The following IFT122 variants were observed in gnomAD, a reference collection of about 807,000 sequenced individuals.
IFT122 encodes the protein intraflagellar transport 122, also known as intraflagellar transport protein 122 homolog.
Under a neutral mutation model 161.6 loss-of-function variants are expected in IFT122, and 118 were observed. The ratio of observed to expected loss-of-function variants is 0.73; its 90% CI spans 0.63 to 0.85. The LOEUF is 0.85. Ranked by LOEUF, IFT122 falls within the 40% of genes least tolerant of loss-of-function variation. The probability of loss-of-function intolerance (pLI) is 0.00; values close to 1 mark genes in which losing one functional copy is unlikely to be tolerated. For missense variants in IFT122, 1,381 were observed against 1,579.6 expected (o/e 0.87, Z 2.13); for synonymous variants, 550 against 602.4 (o/e 0.91, Z 1.27).
intron 12 of IFT122, among the ~76,000 whole-genome samples, chr3:129,479,371 G>A (rs1382120168): frequency 6.6e-6 from 1 of 152,082 alleles, no homozygotes; most frequent in African/African-American, 2.4e-5. Context: ...AGAAATTGGA[G>A]GCAGCAGTGA....
Position 129,451,994 on chromosome 3 carries a change from G to A in IFT122, c.189G>A (p.Lys63=), listed in dbSNP as rs778625545. 1.3e-5 allele frequency: 21 copies of A among 1,612,670 alleles called. No individual in the cohort carries two copies. The highest frequency in any genetic ancestry group is 1.8e-5 in the Non-Finnish European group (21 of 1,178,708). Residue 63 remains lysine (K), a synonymous_variant, in exon 3 of 30, where the codon AAG becomes AAA. Coordinates refer to ENST00000348417, the MANE Select transcript of IFT122 (RefSeq NM_052989.3). ...KDTVYCVAYA[K]DGKRFASGSA... ...CTGTGTACTGTGTGGCATATGCGAA[G>A]GATGGTAAAAGGCTGCTCTGGGTTT...
At chr3:129,476,287 T>C (rs756714116) in intron 9 of IFT122, 28 bp from the exon 10 acceptor site, 2 of 1,613,622 alleles carry the variant, frequency 1.2e-6, no homozygotes, top group South Asian at 2.2e-5. Context: ...AAATGGTTTT[T>C]CCCTTGCTGT....
At chr3:129,440,467 CT>C in intron 1 of IFT122, 96 bp downstream of exon 1, 2 of 1,435,700 alleles carry the variant, frequency 1.4e-6, no homozygotes, top group South Asian at 2.4e-5. Flanking sequence ...AGCGGGCTTG[CT>C]GCCTGGGCCG....
intron 1 of IFT122, among the ~76,000 whole-genome samples, chr3:129,442,928 A>G (rs899300274): frequency 1.1e-4 from 17 of 152,288 alleles, no homozygotes; most frequent in Admixed American, 7.8e-4. Context: ...CCCTTATTCT[A>G]TGAACTCCCT....
chr3:129,512,223 C>T, intron 23 of IFT122, 89 bp from the exon 24 acceptor site: 1 of 888,998 alleles, frequency 1.1e-6, no homozygotes, highest in Non-Finnish European at 1.9e-6. Context: ...TTGTTGATGT[C>T]ACTCAGAATT....
rs2082209135 is a variant in IFT122 at position 129,506,545 on chromosome 3, T to TCAAGGTGTGTAAACATCAGC, written c.2790_2791+18dup. ...TGTCCATGCAGTGCCTCGATATAGCTCAAGGTGTGTAAACATCAGCCAGAC... is the reference window on the plus strand; with the variant it reads ...TGTCCATGCAGTGCCTCGATATAGCTCAAGGTGTGTAAACATCAGCCAAGGTGTGTAAACATCAGCCAGAC... On this transcript the variant is annotated stop_gained and frameshift_variant, in exon 22 of 30. Coordinates refer to ENST00000348417, the MANE Select transcript of IFT122 (RefSeq NM_052989.3). LOFTEE classifies it high-confidence loss of function. 1 of 1,614,052 alleles carries TCAAGGTGTGTAAACATCAGC rather than the reference T, an allele frequency of 6.2e-7. No individual in the cohort carries two copies. Among genetic ancestry groups the TCAAGGTGTGTAAACATCAGC allele is most frequent in the African/African-American group, 1.3e-5 (1 of 74,904 alleles).
At chr3:129,509,375 A>G (rs888192028) in intron 23 of IFT122, among the ~76,000 whole-genome samples, 9 of 152,144 alleles carry the variant, frequency 5.9e-5, no homozygotes, top group Admixed American at 2.6e-4. Context: ...GGTTGTTGTC[A>G]ACTTCCAGTG....
At chr3:129,478,265 TC>T (rs58550262) in intron 12 of IFT122, 47 bp downstream of exon 12, 164,923 of 1,516,618 alleles carry the variant, frequency 0.11, 11,317 homozygotes, top group South Asian at 0.25. Flanking sequence ...CCATTTGTGC[TC>T]CCCCCCCAGT....
At chr3:129,518,985 C>T in intron 27 of IFT122, 122 bp from the exon 28 acceptor site, 1 of 845,388 alleles carries the variant, frequency 1.2e-6, no homozygotes, top group South Asian at 1.3e-5. Flanking sequence ...CTCTGTTCCT[C>T]CACCTGGAAA....
intron 1 of IFT122, among the ~76,000 whole-genome samples, chr3:129,447,515 T>C (rs1429569803): frequency 4.6e-5 from 7 of 152,142 alleles, no homozygotes; most frequent in Non-Finnish European, 1.0e-4. Flanking sequence ...GGTTGTAAAA[T>C]GTTTCTTCTC....
chr3:129,487,124 C>T (rs1391158576), intron 15 of IFT122, among the ~76,000 whole-genome samples: 1 of 152,210 alleles, frequency 6.6e-6, no homozygotes, highest in African/African-American at 2.4e-5. Context: ...CATTTGGGAA[C>T]CATTAGCACA....
In IFT122 at chr3:129,451,063, A is replaced by ATGGCTAT. The variant is rs112804857; in HGVS notation, c.109-850_109-844dup. Among the ~76,000 whole-genome samples, 622 of 152,128 alleles carry ATGGCTAT rather than the reference A, an allele frequency of 4.1e-3. 4 individuals are homozygous for ATGGCTAT. The highest frequency in any genetic ancestry group is 0.015 in the African/African-American group (607 of 41,500). On this transcript the variant is annotated intron_variant, in intron 2 of 29. Coordinates refer to ENST00000348417, the MANE Select transcript of IFT122 (RefSeq NM_052989.3). ...CTCTCCACATAGTGATAGATGTCAC[A>ATGGCTAT]TGGCTATCAAATACCTAAATCCATA...
chr3:129,461,472 C>T, intron 5 of IFT122, 168 bp downstream of exon 5: 3 of 679,602 alleles, frequency 4.4e-6, no homozygotes, highest in Non-Finnish European at 8.1e-6. Context: ...TGTGTGGAAA[C>T]CAAGACAGTG....
At chr3:129,516,511 GC>G (rs2083685421) in intron 26 of IFT122, among the ~76,000 whole-genome samples, 1 of 119,332 alleles carries the variant, frequency 8.4e-6, no homozygotes, top group Non-Finnish European at 1.7e-5. Context: ...CATGGAGACT[GC>G]CCCTGCGTGC....
chr3:129,512,844 G>A (rs989456575), intron 24 of IFT122: 3 of 246,106 alleles, frequency 1.2e-5, no homozygotes, highest in Non-Finnish European at 2.4e-5. Flanking sequence ...AGGTGGCAAA[G>A]CTGCCATCAA....
At position 129,465,645 on chromosome 3, in the gene IFT122, T is replaced by TGCCACCACACCTGGCTAA. The variant is rs1224562188; in HGVS notation, c.563+864_563+865insGCCACCACACCTGGCTAA. ...GCCACCACGCCTGGCTAATTTTTTT[T>TGCCACCACACCTGGCTAA]TTTTTTTTGAGACGGAGTCTCGCTC... On this transcript the variant is annotated intron_variant, in intron 7 of 29. Transcript: ENST00000348417. Among the ~76,000 whole-genome samples the TGCCACCACACCTGGCTAA allele has an allele frequency of 1.0e-3, 131 of 127,986 alleles. 1 individual carries two copies. The highest frequency in any genetic ancestry group is 2.6e-3 in the East Asian group (9 of 3,418). The allele number at this position is 127,986 out of a possible 152,430, so 84.0% of individuals were successfully genotyped here. A position where few individuals can be genotyped will look rare whatever the true frequency, so the allele number is the denominator to read the frequency against.
intron 20 of IFT122, among the ~76,000 whole-genome samples, chr3:129,503,262 C>A (rs908537271): frequency 6.6e-6 from 1 of 152,200 alleles, no homozygotes; most frequent in Non-Finnish European, 1.5e-5. Context: ...ACATTTAAAA[C>A]CTGCTGGGTA....
rs1030863314 is a variant in IFT122, at chr3:129,499,933, C to T, written c.2240C>T (p.Thr747Ile). 1 of 1,614,160 alleles carries T rather than the reference C, an allele frequency of 6.2e-7. No individual in the cohort carries two copies. Among genetic ancestry groups the T allele is most frequent in the African/African-American group, 1.3e-5 (1 of 75,040 alleles). The change falls in exon 19 of 30, where the codon ACA (threonine) becomes ATA (isoleucine). Residue 747 changes from threonine to isoleucine, a missense_variant. Around this residue, in one of 7 missense-constraint regions of IFT122, gnomAD observed 496 missense variants for 502.5 expected, o/e 0.99. Transcript: ENST00000348417. ...CTTGGATCTGGAGACCCCAAAGAAA[C>T]AAAGATGCTAATCACCAAACAGGCT... Reference protein sequence around the residue: ...DFLGSGDPKETKMLITKQADW... With the variant: ...DFLGSGDPKEIKMLITKQADW...
At chr3:129,492,576 T>C (rs1024067970) in intron 17 of IFT122, among the ~76,000 whole-genome samples, 4 of 152,048 alleles carry the variant, frequency 2.6e-5, no homozygotes, top group South Asian at 2.1e-4. Context: ...AATCTGATAG[T>C]GTTGGAGGAG....
Sources: allele counts gnomAD v4.1 joint callset (sites outside exome capture counted in the v4.1 genomes callset), GRCh38; gene constraint gnomAD v4.1.1; regional missense constraint gnomAD v4.1.1; transcripts MANE v1.5; gene names NCBI Gene and HGNC (gene_info 2026-07-23, HGNC 2026-07-21).